Variants in TENM1 observed in about 807,000 individuals in gnomAD.
TENM1 encodes teneurin-1.
In TENM1, 35 loss-of-function variants were observed where a neutral mutation model predicts 174.8. The observed-to-expected ratio is 0.20, with a 90% CI of 0.15 to 0.27. The LOEUF is 0.27. Ranked by LOEUF, TENM1 falls within the 10% of genes least tolerant of loss-of-function variation. The probability of loss-of-function intolerance (pLI) is 1.00; values close to 1 mark genes in which losing one functional copy is unlikely to be tolerated. For missense variants in TENM1, 1,633 were observed against 2,130.1 expected (o/e 0.77, Z 4.59); for synonymous variants, 781 against 798.7 (o/e 0.98, Z 0.37).
chrX:124,505,696 A>G (rs888319375), intron 18 of TENM1, among the ~76,000 whole-genome samples: 3 of 111,355 alleles, frequency 2.7e-5, no homozygotes, highest in Non-Finnish European at 5.6e-5. Flanking sequence ...TGGGTCAGGG[A>G]GCACTTTGTT....
intron 3 of TENM1, among the ~76,000 whole-genome samples, chrX:124,776,741 T>C (rs2054794047): frequency 9.0e-6 from 1 of 111,019 alleles, no homozygotes; most frequent in African/African-American, 3.3e-5. Context: ...AATAAACTTG[T>C]CTGGACATGT....
chrX:124,782,515 A>G (rs2054937140), intron 3 of TENM1, among the ~76,000 whole-genome samples: 1 of 111,188 alleles, frequency 9.0e-6, no homozygotes, highest in Non-Finnish European at 1.9e-5. Context: ...CAGAAAAATA[A>G]ATACTTTCAT....
chrX:124,701,584 A>G (rs941479000), intron 5 of TENM1, among the ~76,000 whole-genome samples: 1 of 112,438 alleles, frequency 8.9e-6, no homozygotes, highest in African/African-American at 3.2e-5. Flanking sequence ...CCAAAATATC[A>G]GAAAAGATGA....
chrX:125,115,641 G>A, the TENM1 span, among the ~76,000 whole-genome samples: 3 of 111,076 alleles, frequency 2.7e-5, no homozygotes, highest in Admixed American at 2.9e-4. Flanking sequence ...ATTCACAATT[G>A]CTACAAAGAG....
At chrX:125,126,122 G>T in the TENM1 span, among the ~76,000 whole-genome samples, 1 of 112,186 alleles carries the variant, frequency 8.9e-6, no homozygotes, top group East Asian at 2.8e-4. Context: ...GAGTCTAGGA[G>T]ATTATCACAC....
At chrX:125,001,850 G>C in the TENM1 span, among the ~76,000 whole-genome samples, 19 of 75,681 alleles carry the variant, frequency 2.5e-4, no homozygotes, top group African/African-American at 8.1e-4. Context: ...ACTATAGATA[G>C]ATACACACAC....
chrX:124,474,597 A>G (rs192814783), intron 22 of TENM1, among the ~76,000 whole-genome samples: 19 of 112,365 alleles, frequency 1.7e-4, no homozygotes, highest in Admixed American at 3.8e-4. Context: ...TGCTACCTAG[A>G]CCAAACAGGC....
intron 5 of TENM1, chrX:124,688,405 A>C (rs1014642848): frequency 6.5e-5 from 7 of 107,861 alleles, no homozygotes; most frequent in East Asian, 2.9e-4. Context: ...GTTTTCTTTT[A>C]TTTTATTTTT....
the TENM1 span, among the ~76,000 whole-genome samples, chrX:125,057,850 G>C: frequency 9.0e-6 from 1 of 111,717 alleles, no homozygotes; most frequent in Non-Finnish European, 1.9e-5. Context: ...TATCCATGAG[G>C]ACAGGATATT....
At chrX:124,422,102 T>C (rs2060660001) in intron 24 of TENM1, among the ~76,000 whole-genome samples, 170 bp downstream of exon 27, 1 of 112,134 alleles carries the variant, frequency 8.9e-6, no homozygotes, top group Admixed American at 9.4e-5. Flanking sequence ...AGTGAGTCAG[T>C]TGTGAGAACA....
intron 5 of TENM1, among the ~76,000 whole-genome samples, chrX:124,677,952 G>C (rs1391036778): frequency 9.0e-6 from 1 of 111,666 alleles, no homozygotes; most frequent in Non-Finnish European, 1.9e-5. Flanking sequence ...GTGATTCTGT[G>C]CTATATTTGT....
intron 4 of TENM1, among the ~76,000 whole-genome samples, chrX:124,715,239 C>T (rs2053150317): frequency 9.0e-6 from 1 of 111,718 alleles, no homozygotes; most frequent in Non-Finnish European, 1.9e-5. Flanking sequence ...TATACATTTT[C>T]CCTATGGAGG....
At chrX:124,804,101 A>C (rs1346932133) in intron 3 of TENM1, among the ~76,000 whole-genome samples, 1 of 112,177 alleles carries the variant, frequency 8.9e-6, no homozygotes, top group Non-Finnish European at 1.9e-5. Flanking sequence ...CTGAGTATAA[A>C]GAGGCTGACA....
chrX:124,684,700 C>T (rs1257429979), intron 5 of TENM1, among the ~76,000 whole-genome samples: 1 of 111,902 alleles, frequency 8.9e-6, no homozygotes, highest in African/African-American at 3.2e-5. Flanking sequence ...CTGGTTCCCA[C>T]GGATCTGACC....
intron 1 of TENM1, among the ~76,000 whole-genome samples, chrX:124,955,793 G>GCACACACACACACACACACA (rs955862260): frequency 2.6e-5 from 2 of 78,116 alleles, no homozygotes; most frequent in Non-Finnish European, 4.9e-5. Flanking sequence ...CAACACACGC[G>GCACACACACACACACACACA]CACGCACACA....
At chrX:124,453,270 T>G in intron 23 of TENM1, 67 bp downstream of exon 26, 16 of 1,051,010 alleles carry the variant, frequency 1.5e-5, no homozygotes, top group South Asian at 2.4e-5. Context: ...CATTTCTACA[T>G]GAGAAAATTG....
intron 6 of TENM1, among the ~76,000 whole-genome samples, chrX:124,664,689 T>A (rs1330865894): frequency 9.8e-6 from 1 of 101,654 alleles, no homozygotes; most frequent in Non-Finnish European, 2.0e-5. Context: ...GGTGTGTGTG[T>A]GTGTGTGTGT....
chrX:124,510,911 G>A (rs980657350), intron 18 of TENM1, among the ~76,000 whole-genome samples: 2 of 111,604 alleles, frequency 1.8e-5, no homozygotes, highest in Non-Finnish European at 3.8e-5. Flanking sequence ...TTTTCAAAAC[G>A]AAAACGCTGG....
At position 124,590,595 on chromosome X, in the gene TENM1, A is replaced by C. The variant is rs761287786; in HGVS notation, c.2078-25035T>G. Among the ~76,000 whole-genome samples, 11 of 112,080 alleles carry C rather than the reference A, an allele frequency of 9.8e-5. No homozygotes were observed. The South Asian group carries it at 4.1e-3, about 42-fold the overall frequency. ...TTCTATTTTTATTCCACTGTGGTCC[A>C]AGAGTATGGTGGTATGATTGCAATT... is the stretch of plus-strand genomic sequence containing the variant. On this transcript the variant is annotated intron_variant, in intron 11 of 31. Coordinates refer to ENST00000422452, the Ensembl canonical transcript of TENM1.
Sources: gnomAD v4.1 joint callset for allele counts (sites outside exome capture counted in the v4.1 genomes callset) on GRCh38, gnomAD v4.1.1 for gene constraint, MANE v1.5 for transcripts, NCBI Gene and HGNC (gene_info 2026-07-23, HGNC 2026-07-21) for gene names.